SYT14: variants seen among roughly 807,000 people sequenced by gnomAD.
SYT14 encodes the protein synaptotagmin 14, also known as synaptotagmin-14.
In SYT14, 32 loss-of-function variants were observed where a neutral mutation model predicts 74.2. The ratio of observed to expected loss-of-function variants is 0.43; its 90% CI spans 0.33 to 0.58. The LOEUF (loss-of-function observed/expected upper bound fraction) is 0.58, where lower values mean the gene tolerates loss of function less well. Among genes scored for constraint, SYT14 ranks in the 20% least tolerant of loss-of-function variants. The pLI is 0.05. For synonymous variants in SYT14, 298 were observed against 337.7 expected (o/e 0.88, Z 1.29); for missense variants, 791 against 981.8 (o/e 0.81, Z 2.60).
intron 5 of SYT14, among the ~76,000 whole-genome samples, chr1:210,073,629 A>G (rs1245338146): frequency 6.6e-6 from 1 of 152,054 alleles, no homozygotes; most frequent in African/African-American, 2.4e-5. Flanking sequence ...CTGTACTGTT[A>G]ACATCATCCA....
At chr1:209,945,892 C>A (rs973000775) in intron 1 of SYT14, among the ~76,000 whole-genome samples, 1 of 152,168 alleles carries the variant, frequency 6.6e-6, no homozygotes, top group African/African-American at 2.4e-5. Context: ...TGTGGCAACT[C>A]TGTTGAATGA....
At chr1:210,073,113 T>G (rs1385877703) in intron 5 of SYT14, among the ~76,000 whole-genome samples, 1 of 152,022 alleles carries the variant, frequency 6.6e-6, no homozygotes, top group Non-Finnish European at 1.5e-5. Flanking sequence ...CTAATCAAAA[T>G]TCTAACATTA....
At chr1:210,039,080 C>T (rs2080730791) in intron 5 of SYT14, among the ~76,000 whole-genome samples, 1 of 152,042 alleles carries the variant, frequency 6.6e-6, no homozygotes, top group Non-Finnish European at 1.5e-5. Flanking sequence ...CTTGATACTT[C>T]TCAAAGGCTT....
At chr1:210,014,394 A>G (rs1307425937) in intron 3 of SYT14, among the ~76,000 whole-genome samples, 4 of 148,190 alleles carry the variant, frequency 2.7e-5, no homozygotes, top group Non-Finnish European at 6.0e-5. Flanking sequence ...TCTTTCTCCT[A>G]TGGAAACATT....
At chr1:209,962,588 A>T (rs1016549931) in intron 2 of SYT14, among the ~76,000 whole-genome samples, 1 of 152,034 alleles carries the variant, frequency 6.6e-6, no homozygotes, top group South Asian at 2.1e-4. Flanking sequence ...GTTTATGTGC[A>T]CCCAGAGGGA....
At chr1:210,160,694 T>G in intron 9 of SYT14, 35 bp from the exon 9 acceptor site, 30 of 1,586,624 alleles carry the variant, frequency 1.9e-5, no homozygotes, top group Non-Finnish European at 2.5e-5. Context: ...TTGTTTCAAA[T>G]GATATTTGTG....
At chr1:210,023,975 A>G (rs2080355894) in intron 5 of SYT14, among the ~76,000 whole-genome samples, 2 of 152,174 alleles carry the variant, frequency 1.3e-5, no homozygotes, top group African/African-American at 2.4e-5. Context: ...TACACATACT[A>G]TCTGTATACA....
chr1:210,077,125 AAGCATGATGCCAGCATC>A (rs2102465971), intron 5 of SYT14, among the ~76,000 whole-genome samples: 1 of 151,930 alleles, frequency 6.6e-6, no homozygotes, highest in East Asian at 2.0e-4. Context: ...CAGTTCCAAT[AAGCATGATGCCAGCATC>A]TTCTCGGCTT....
chr1:210,043,853 G>A (rs1040508913), intron 5 of SYT14, among the ~76,000 whole-genome samples: 2 of 152,084 alleles, frequency 1.3e-5, no homozygotes, highest in Non-Finnish European at 2.9e-5. Context: ...TTTAAAACCA[G>A]GTACTCTATT....
chr1:209,962,813 T>C (rs1046863958), intron 2 of SYT14, among the ~76,000 whole-genome samples: 7 of 152,066 alleles, frequency 4.6e-5, no homozygotes, highest in South Asian at 2.1e-4. Flanking sequence ...AAATGGGTGA[T>C]GAAGACTATG....
intron 5 of SYT14, among the ~76,000 whole-genome samples, chr1:210,087,306 C>G (rs1161315037): frequency 1.3e-5 from 2 of 152,176 alleles, no homozygotes; most frequent in African/African-American, 2.4e-5. Context: ...CACACCTTAC[C>G]CTGCTCAGGC....
chr1:210,087,341 CTGTG>C (rs2081755957), intron 5 of SYT14, among the ~76,000 whole-genome samples: 1 of 152,200 alleles, frequency 6.6e-6, no homozygotes, highest in Non-Finnish European at 1.5e-5. Context: ...CCAGATACCC[CTGTG>C]TGTGGCACCC....
chr1:210,171,228 C>T (rs2083522848), exon 10 of SYT14: 1 of 152,142 alleles, frequency 6.6e-6, no homozygotes, highest in Non-Finnish European at 1.5e-5. Context: ...TAACAACAGA[C>T]TTAACAAGTA....
intron 5 of SYT14, among the ~76,000 whole-genome samples, chr1:210,082,834 T>C (rs927717864): frequency 6.6e-6 from 1 of 152,210 alleles, no homozygotes; most frequent in Non-Finnish European, 1.5e-5. Flanking sequence ...GATGTGAGTA[T>C]GGTCTTGCTT....
intron 5 of SYT14, among the ~76,000 whole-genome samples, chr1:210,072,324 G>T (rs931452571): frequency 3.3e-5 from 5 of 151,838 alleles, no homozygotes; most frequent in African/African-American, 1.2e-4. Context: ...GAACTCAGAG[G>T]CATAGAGTGA....
chr1:209,941,754 AC>A (rs1223612671), intron 1 of SYT14, among the ~76,000 whole-genome samples: 1 of 151,990 alleles, frequency 6.6e-6, no homozygotes. Context: ...TCATTTTTGT[AC>A]CCCTTAGGTT....
intron 2 of SYT14, among the ~76,000 whole-genome samples, chr1:209,988,538 G>A (rs913397963): frequency 1.3e-4 from 20 of 152,026 alleles, no homozygotes; most frequent in African/African-American, 4.3e-4. Flanking sequence ...AGATCTAATC[G>A]TGATTAGTTC....
intron 2 of SYT14, among the ~76,000 whole-genome samples, chr1:209,993,277 A>G (rs1363862867): frequency 6.6e-6 from 1 of 152,200 alleles, no homozygotes; most frequent in East Asian, 1.9e-4. Context: ...TCGCCTGTCG[A>G]CTGCCCCTCC....
chr1:210,086,820 G>A (rs1213417217), intron 5 of SYT14, among the ~76,000 whole-genome samples: 1 of 152,146 alleles, frequency 6.6e-6, no homozygotes, highest in African/African-American at 2.4e-5. Context: ...ATGAGTTTAT[G>A]TGGATTGTCC....
Sources: gnomAD v4.1 joint callset for allele counts (sites outside exome capture counted in the v4.1 genomes callset) on GRCh38, gnomAD v4.1.1 for gene constraint, MANE v1.5 for transcripts, NCBI Gene and HGNC (gene_info 2026-07-23, HGNC 2026-07-21) for gene names.